The following NTRK2 variants were observed in gnomAD, a reference collection of about 807,000 sequenced individuals.
NTRK2 encodes the protein BDNF/NT-3 growth factors receptor.
A neutral mutation model predicts 94.5 loss-of-function variants in NTRK2; 13 were observed. The observed-to-expected ratio is 0.14, with a 90% CI of 0.09 to 0.22. The LOEUF (loss-of-function observed/expected upper bound fraction) is 0.22, where lower values mean the gene tolerates loss of function less well. NTRK2 is among the 10% of genes least tolerant of loss of function. The pLI is 1.00. For synonymous variants in NTRK2, 372 were observed against 407.4 expected (o/e 0.91, Z 1.05); for missense variants, 639 against 1,071.2 (o/e 0.60, Z 5.63).
chr9:84,809,027 A>C (rs1014619698), intron 12 of NTRK2, among the ~76,000 whole-genome samples: 1 of 152,240 alleles, frequency 6.6e-6, no homozygotes, highest in African/African-American at 2.4e-5. Flanking sequence ...TTATGGATCT[A>C]ATAAAGATTC....
chr9:84,742,420 CT>C (rs2063715243), intron 10 of NTRK2, among the ~76,000 whole-genome samples: 1 of 152,212 alleles, frequency 6.6e-6, no homozygotes, highest in Admixed American at 6.5e-5. Flanking sequence ...ACCCTACTCT[CT>C]TTTTCCCACC....
At chr9:84,940,157 C>T (rs963832932) in intron 15 of NTRK2, among the ~76,000 whole-genome samples, 10 of 152,036 alleles carry the variant, frequency 6.6e-5, no homozygotes, top group Middle Eastern at 3.2e-3. Flanking sequence ...ATGGACTGAA[C>T]GTGGGGAAGT....
chr9:84,832,263 G>C (rs1357629492), intron 12 of NTRK2, among the ~76,000 whole-genome samples: 1 of 152,212 alleles, frequency 6.6e-6, no homozygotes, highest in Admixed American at 6.5e-5. Flanking sequence ...CACCCACACA[G>C]GGATGCTAGG....
rs1383012444 is a variant in NTRK2, at chr9:84,670,425, G to C, written c.-324G>C. 6.7e-6 allele frequency: 3 copies of C among 448,536 alleles called. No homozygotes were observed. The highest frequency in any genetic ancestry group is 2.0e-5 in the African/African-American group (1 of 50,284). 27.8% of individuals were successfully genotyped at this position (448,536 alleles called of 1,614,324 possible). A position where few individuals can be genotyped will look rare whatever the true frequency, so the allele number is the denominator to read the frequency against. On this transcript the variant is annotated 5_prime_UTR_variant, in exon 2 of 19. Transcript: ENST00000277120. ...CATTCGCATCTAACAAGGAATCTGC[G>C]CCCCAGAGAGTCCCGGGAGCGCCGC... is the stretch of plus-strand genomic sequence containing the variant.
chr9:84,677,034 G>A (rs963841285), intron 2 of NTRK2, among the ~76,000 whole-genome samples: 3 of 152,102 alleles, frequency 2.0e-5, no homozygotes, highest in Admixed American at 2.0e-4. Flanking sequence ...AAAAATTTGA[G>A]CTTCAGAGAA....
intron 17 of NTRK2, among the ~76,000 whole-genome samples, chr9:84,972,955 C>G (rs1040459660): frequency 6.6e-6 from 1 of 152,234 alleles, no homozygotes; most frequent in Non-Finnish European, 1.5e-5. Flanking sequence ...TCAGCTCTCC[C>G]TACGCTCTCC....
At chr9:84,888,040 G>C (rs1255697818) in intron 14 of NTRK2, among the ~76,000 whole-genome samples, 1 of 152,000 alleles carries the variant, frequency 6.6e-6, no homozygotes, top group East Asian at 1.9e-4. Flanking sequence ...CTACAGAGTG[G>C]AACAGAAAAC....
At chr9:84,804,438 G>C (rs773584513) in intron 12 of NTRK2, among the ~76,000 whole-genome samples, 5 of 152,118 alleles carry the variant, frequency 3.3e-5, no homozygotes, top group Admixed American at 6.5e-5. Flanking sequence ...TTGATTCCCA[G>C]ATCCACTTTG....
At chr9:84,680,427 C>T (rs2059322940) in intron 2 of NTRK2, among the ~76,000 whole-genome samples, 1 of 152,176 alleles carries the variant, frequency 6.6e-6, no homozygotes, top group Admixed American at 6.5e-5. Flanking sequence ...GGGGCCACCT[C>T]CACTCATACT....
At chr9:84,845,550 G>T (rs1458976032) in intron 12 of NTRK2, among the ~76,000 whole-genome samples, 1 of 151,964 alleles carries the variant, frequency 6.6e-6, no homozygotes, top group South Asian at 2.1e-4. Flanking sequence ...CTTGGCTAAT[G>T]ATAAGTATAA....
In NTRK2 at chr9:84,877,230, G is replaced by A. The variant is rs201662781; in HGVS notation, c.1633+9799G>A. 6,001 of 1,065,454 alleles carry A rather than the reference G, an allele frequency of 5.6e-3. 21 individuals are homozygous for A. The highest frequency in any genetic ancestry group is 6.4e-3 in the Non-Finnish European group (5,617 of 879,406). 66.0% of individuals were successfully genotyped at this position (1,065,454 alleles called of 1,614,324 possible). A position where few individuals can be genotyped will look rare whatever the true frequency, so the allele number is the denominator to read the frequency against. ...CTGATTCATCGGCATAGTTCTTGGCGTTAACATCTCAGTGTCCTCTTTAGT... is the reference window on the plus strand; with the variant it reads ...CTGATTCATCGGCATAGTTCTTGGCATTAACATCTCAGTGTCCTCTTTAGT... On this transcript the variant is annotated intron_variant, in intron 14 of 18. Transcript: ENST00000277120.
intron 14 of NTRK2, chr9:84,874,244 C>A: frequency 9.4e-7 from 1 of 1,065,584 alleles, no homozygotes; most frequent in Non-Finnish European, 1.1e-6. Context: ...CTAAGAAGCT[C>A]CTGCTACCCA....
intron 2 of NTRK2, among the ~76,000 whole-genome samples, chr9:84,695,067 A>AC (rs2060290140): frequency 1.4e-5 from 2 of 143,012 alleles, no homozygotes; most frequent in African/African-American, 2.6e-5. Flanking sequence ...AAAAAAAAAA[A>AC]AAAAAAACAC....
chr9:84,971,111 A>G (rs1826132763), intron 17 of NTRK2, among the ~76,000 whole-genome samples: 1 of 152,208 alleles, frequency 6.6e-6, no homozygotes, highest in Non-Finnish European at 1.5e-5. Flanking sequence ...TTAAAGAACA[A>G]TTTAACCATA....
chr9:84,925,885 A>G (rs1012183963), intron 14 of NTRK2, among the ~76,000 whole-genome samples: 5 of 152,140 alleles, frequency 3.3e-5, no homozygotes, highest in East Asian at 1.9e-4. Flanking sequence ...ACTCACATAT[A>G]TAATGTAAAA....
intron 14 of NTRK2, among the ~76,000 whole-genome samples, chr9:84,906,066 T>C (rs1040776274): frequency 6.6e-6 from 1 of 152,062 alleles, no homozygotes; most frequent in African/African-American, 2.4e-5. Flanking sequence ...AAGCTGGAAA[T>C]GGGAACTGAG....
At chr9:84,707,410 G>T (rs2061172937) in intron 4 of NTRK2, among the ~76,000 whole-genome samples, 1 of 151,962 alleles carries the variant, frequency 6.6e-6, no homozygotes, top group African/African-American at 2.4e-5. Context: ...TCAGAGTTTT[G>T]TATGCCACAT....
At chr9:84,876,437 C>G in intron 14 of NTRK2, 3 of 1,055,122 alleles carry the variant, frequency 2.8e-6, no homozygotes, top group Middle Eastern at 4.3e-4. Flanking sequence ...TTCCCTGCAA[C>G]ACCCAAAGAG....
Position 84,948,575 on chromosome 9 carries a change from C to T in NTRK2, c.1878C>T (p.Gly626=), listed in dbSNP as rs201980250. 3.3e-5 allele frequency: 54 copies of T among 1,614,026 alleles called. No individual in the cohort carries two copies. The highest frequency in any genetic ancestry group is 6.7e-5 in the East Asian group (3 of 44,854). Residue 626 remains glycine, a synonymous_variant, in exon 16 of 19, where the codon GGC becomes GGT. Coordinates refer to ENST00000277120, the MANE Select transcript of NTRK2 (RefSeq NM_006180.6). Reference sequence around the variant, plus strand: ...AGTTCTATGGCGTCTGCGTGGAGGGCGACCCCCTCATCATGGTCTTTGAGT... The same window carrying T: ...AGTTCTATGGCGTCTGCGTGGAGGGTGACCCCCTCATCATGGTCTTTGAGT... The part of the protein sequence containing the change: ...IVKFYGVCVE[G]DPLIMVFEYM...
Sources: gnomAD v4.1 joint callset for allele counts (sites outside exome capture counted in the v4.1 genomes callset) on GRCh38, gnomAD v4.1.1 for gene constraint, MANE v1.5 for transcripts, NCBI Gene and HGNC (gene_info 2026-07-23, HGNC 2026-07-21) for gene names.